The following DLG2 variants were observed in gnomAD, a reference collection of about 807,000 sequenced individuals.
DLG2 encodes the protein disks large homolog 2.
DLG2 carries 45 observed loss-of-function variants against 132.5 expected under a neutral mutation model. The ratio of observed to expected loss-of-function variants is 0.34; its 90% CI spans 0.27 to 0.44. The LOEUF (loss-of-function observed/expected upper bound fraction) is 0.44, where lower values mean the gene tolerates loss of function less well. Ranked by LOEUF, DLG2 falls within the 20% of genes least tolerant of loss-of-function variation. The probability of loss-of-function intolerance (pLI) is 1.00; values close to 1 mark genes in which losing one functional copy is unlikely to be tolerated. For synonymous variants in DLG2, 424 were observed against 419.6 expected (o/e 1.01, Z -0.13); for missense variants, 1,045 against 1,196.9 (o/e 0.87, Z 1.87).
intron 3 of DLG2, among the ~76,000 whole-genome samples, chr11:85,405,964 T>G (rs1467785806): frequency 6.6e-6 from 1 of 151,942 alleles, no homozygotes; most frequent in African/African-American, 2.4e-5. Flanking sequence ...AATCCAAAAG[T>G]GTTTCACTTT....
intron 18 of DLG2, among the ~76,000 whole-genome samples, chr11:83,777,926 C>T (rs1459408581): frequency 6.6e-6 from 1 of 152,108 alleles, no homozygotes; most frequent in East Asian, 1.9e-4. Context: ...ATCTCTTGAA[C>T]CACCTTAATT....
chr11:84,268,836 C>T (rs2097682773), intron 7 of DLG2, among the ~76,000 whole-genome samples: 1 of 152,100 alleles, frequency 6.6e-6, no homozygotes, highest in South Asian at 2.1e-4. Context: ...TGAGATAATA[C>T]ATGTAAAATG....
intron 21 of DLG2, among the ~76,000 whole-genome samples, chr11:83,490,030 C>T (rs11233640): frequency 0.19 from 28,712 of 151,718 alleles, 2,897 homozygotes; most frequent in Middle Eastern, 0.21. Flanking sequence ...GTAATGAAAC[C>T]CTAACAGCAA....
At position 85,487,906 on chromosome 11, in the gene DLG2, C is replaced by G. The variant is rs1299202540; in HGVS notation, c.40+110751G>C. On this transcript the variant is annotated intron_variant, in intron 3 of 27. Coordinates refer to ENST00000376104, the MANE Select transcript of DLG2 (RefSeq NM_001142699.3). ...TTTGGCTCTGTGTCCCCACCCAAAT[C>G]TCATCTTGGACTGTACTCCCATAAT... Among the ~76,000 whole-genome samples the G allele has an allele frequency of 2.6e-5, 4 of 152,206 alleles. No homozygotes were observed. In the East Asian group the frequency reaches 7.7e-4, roughly 29 times the overall value.
chr11:83,916,517 T>C lies in DLG2; in HGVS notation c.1496+13811A>G, dbSNP rs1456716237. 6.6e-5 allele frequency among the ~76,000 whole-genome samples: 10 copies of C among 152,096 alleles called. No individual in the cohort carries two copies. The East Asian group carries it at 9.7e-4, about 15-fold the overall frequency. ...TTTTAGTAGAGATGGGGTTTCACCA[T>C]GTTGGCCAGGCTGGTCTCAGACTCC... On this transcript the variant is annotated intron_variant, in intron 15 of 27. Coordinates refer to ENST00000376104, the MANE Select transcript of DLG2 (RefSeq NM_001142699.3).
intron 19 of DLG2, among the ~76,000 whole-genome samples, chr11:83,568,896 C>A (rs1331455039): frequency 2.0e-5 from 3 of 151,800 alleles, no homozygotes; most frequent in Non-Finnish European, 4.4e-5. Flanking sequence ...CAGTGCTGCG[C>A]TATCAGAGGA....
intron 3 of DLG2, among the ~76,000 whole-genome samples, chr11:85,584,298 T>C (rs1195643935): frequency 6.6e-6 from 1 of 152,112 alleles, no homozygotes; most frequent in Non-Finnish European, 1.5e-5. Flanking sequence ...TTACTGTGAA[T>C]GCCATTATCT....
intron 19 of DLG2, among the ~76,000 whole-genome samples, chr11:83,577,283 G>A (rs956485379): frequency 6.6e-6 from 1 of 150,954 alleles, no homozygotes; most frequent in African/African-American, 2.4e-5. Context: ...GATAGTCTAA[G>A]TTAATACTTA....
intron 6 of DLG2, among the ~76,000 whole-genome samples, chr11:84,960,683 C>T (rs1009280013): frequency 6.6e-6 from 1 of 152,072 alleles, no homozygotes; most frequent in Non-Finnish European, 1.5e-5. Flanking sequence ...AGGCAATCCA[C>T]CCGCCTTGGC....
chr11:84,273,398 A>C (rs1280975714), intron 7 of DLG2: 1 of 1,260,348 alleles, frequency 7.9e-7, no homozygotes. Flanking sequence ...AAGACTTAAA[A>C]AAAAAGTTAA....
At chr11:83,971,170 C>T (rs923119974) in intron 12 of DLG2, among the ~76,000 whole-genome samples, 4 of 151,862 alleles carry the variant, frequency 2.6e-5, no homozygotes, top group Non-Finnish European at 4.4e-5. Flanking sequence ...ATGGTGAACA[C>T]TGAGCAACTG....
intron 8 of DLG2, among the ~76,000 whole-genome samples, chr11:84,174,878 A>G (rs1227717104): frequency 6.6e-6 from 1 of 152,226 alleles, no homozygotes; most frequent in Non-Finnish European, 1.5e-5. Flanking sequence ...TATGTAGTAC[A>G]TGCCAGACAC....
chr11:84,063,974 G>C (rs1407130123), intron 10 of DLG2, among the ~76,000 whole-genome samples: 2 of 149,536 alleles, frequency 1.3e-5, no homozygotes, highest in Non-Finnish European at 3.0e-5. Context: ...GGGGTGGGGG[G>C]CTGGGGGAGG....
At chr11:83,665,683 G>A (rs985473132) in intron 18 of DLG2, among the ~76,000 whole-genome samples, 15 of 152,170 alleles carry the variant, frequency 9.9e-5, no homozygotes, top group East Asian at 1.9e-4. Context: ...AAACCATTCC[G>A]TATGTTCTAG....
chr11:85,330,792 T>TAAAAAAAAAAA (rs56995757), intron 3 of DLG2, among the ~76,000 whole-genome samples: 1 of 116,488 alleles, frequency 8.6e-6, no homozygotes, highest in Non-Finnish European at 1.8e-5. Context: ...AAAAAAAAAT[T>TAAAAAAAAAAA]AAAAAAAAAA....
At position 85,557,592 on chromosome 11, in the gene DLG2, G is replaced by A. The variant is rs2077007080; in HGVS notation, c.40+41065C>T. Among the ~76,000 whole-genome samples the A allele has an allele frequency of 1.3e-5, 2 of 151,738 alleles. 1 individual carries two copies. Among genetic ancestry groups the A allele is most frequent in the Non-Finnish European group, 2.9e-5 (2 of 67,838 alleles). On this transcript the variant is annotated intron_variant, in intron 3 of 27. Transcript: ENST00000376104. The stretch of plus-strand genomic sequence containing the variant: ...TACAGTACCAAAACAGCATGTTAAT[G>A]GTACAAGAACAGACACATAGGCCAC...
intron 6 of DLG2, among the ~76,000 whole-genome samples, chr11:84,943,066 A>C (rs766627840): frequency 6.6e-6 from 1 of 151,782 alleles, no homozygotes; most frequent in African/African-American, 2.4e-5. Flanking sequence ...TTCCATTTAC[A>C]TTAAATATCT....
At chr11:84,063,757 T>C (rs7951507) in intron 10 of DLG2, among the ~76,000 whole-genome samples, 120,264 of 151,442 alleles carry the variant, frequency 0.79, 48,969 homozygotes, top group Middle Eastern at 0.92. Flanking sequence ...ATATGGCACA[T>C]ATACACCATG....
intron 6 of DLG2, among the ~76,000 whole-genome samples, chr11:85,011,374 G>A (rs758878358): frequency 5.9e-5 from 9 of 152,238 alleles, no homozygotes; most frequent in South Asian, 4.1e-4. Context: ...AATATTTGGC[G>A]TGGGATGATG....
Sources: gnomAD v4.1 joint callset for allele counts (sites outside exome capture counted in the v4.1 genomes callset) on GRCh38, gnomAD v4.1.1 for gene constraint, MANE v1.5 for transcripts, NCBI Gene and HGNC (gene_info 2026-07-23, HGNC 2026-07-21) for gene names.